The following DIABLO variants were observed in gnomAD, a reference collection of about 807,000 sequenced individuals.
The protein encoded by DIABLO is diablo homolog, mitochondrial.
A neutral mutation model predicts 31.7 loss-of-function variants in DIABLO; 32 were observed. The ratio of observed to expected loss-of-function variants is 1.01; its 90% CI spans 0.76 to 1.35. DIABLO has a LOEUF of 1.35. Among genes scored for constraint, DIABLO ranks in the 40% most tolerant of loss-of-function variants. The pLI is 0.00. For missense variants in DIABLO, 316 were observed against 286.4 expected (o/e 1.10, Z -0.75); for synonymous variants, 132 against 103.2 (o/e 1.28, Z -1.69).
chr12:122,210,197 A>G (rs907310376), intron 5 of DIABLO, among the ~76,000 whole-genome samples: 3 of 152,086 alleles, frequency 2.0e-5, no homozygotes, highest in Non-Finnish European at 4.4e-5. Flanking sequence ...GATCGGGGCT[A>G]TGCTGGCTTC....
At position 122,218,479 on chromosome 12, in the gene DIABLO, T is replaced by C. The variant is rs979467110; in HGVS notation, c.184-82A>G. 2.9e-5 allele frequency: 45 copies of C among 1,574,234 alleles called. 1 individual carries two copies. Among genetic ancestry groups the C allele is most frequent in the Middle Eastern group, 1.7e-4 (1 of 6,014 alleles). On this transcript the variant is annotated intron_variant, in intron 2 of 5. Transcript: ENST00000464942. ...ACCAATAGGCAAGCAAAAAACGTAA[T>C]TGTCATGCTGCTTAGTGTTTTAGGC...
At chr12:122,227,365 T>C (rs1036511774), upstream of DIABLO, 4 of 453,756 alleles carry the variant, frequency 8.8e-6, no homozygotes, top group Admixed American at 2.3e-5. Flanking sequence ...CTTGGCAAAG[T>C]TTCCACGAAT....
At chr12:122,225,184 G>C (rs1314143965) in intron 1 of DIABLO, 1 of 248,156 alleles carries the variant, frequency 4.0e-6, no homozygotes, top group Non-Finnish European at 7.8e-6. Context: ...CTGCACTTCA[G>C]CCTGGGCAAC....
upstream of DIABLO, chr12:122,226,160 G>A (rs745964804): frequency 1.6e-6 from 2 of 1,234,930 alleles, no homozygotes; most frequent in Non-Finnish European, 1.1e-6. Flanking sequence ...CAGGCAGGGG[G>A]AAAGGGGGCG....
In DIABLO at chr12:122,224,621, G is replaced by A; in HGVS notation, c.74C>T (p.Pro25Leu). The A allele has an allele frequency of 6.2e-7, 1 of 1,614,112 alleles. No homozygotes were observed. The highest frequency in any genetic ancestry group is 2.2e-5 in the East Asian group (1 of 44,884). The change falls in exon 2 of 6, where the codon CCT (proline) becomes CTT (leucine). Residue 25 changes from proline (P) to leucine (L), a missense_variant. By Grantham distance (98) the Pro-to-Leu change is moderately conservative (BLOSUM62 -3). Transcript: ENST00000464942. ...FFRYRQCLCVPVVANFKKRCF... is the reference protein window; with the variant it reads ...FFRYRQCLCVLVVANFKKRCF... Reference sequence around the variant, plus strand: ...CCGCTTCTTAAAGTTAGCCACAACAGGAACACACAAACACTGTCTGTACCT... The same window carrying A: ...CCGCTTCTTAAAGTTAGCCACAACAAGAACACACAAACACTGTCTGTACCT...
rs373222544 is a variant in DIABLO, at chr12:122,216,867, A to G, written c.318T>C (p.Ala106=). 2.5e-6 allele frequency: 4 copies of G among 1,611,258 alleles called. No individual in the cohort carries two copies. Among genetic ancestry groups the G allele is most frequent in the Non-Finnish European group, 2.5e-6 (3 of 1,177,680 alleles). The change falls in exon 4 of 6, where the codon GCT becomes GCC. Residue 106 remains alanine (A), a splice_region_variant and synonymous_variant. Transcript: ENST00000464942. ...LIEAITEYTK[A]VYTLTSLYRQ... is the part of the protein sequence containing the mutation. ...GGTAAAGAGAAGTTAAGGTATAAACAGCCTACAAATAGAGAATGAACAAGT... is the reference window on the plus strand; with the variant it reads ...GGTAAAGAGAAGTTAAGGTATAAACGGCCTACAAATAGAGAATGAACAAGT...
At chr12:122,221,978 GA>G (rs1954343640) in intron 2 of DIABLO, 1 of 152,230 alleles carries the variant, frequency 6.6e-6, no homozygotes, top group Admixed American at 6.5e-5. Flanking sequence ...GAGGGCTCAT[GA>G]ATGAGCCTCA....
chr12:122,216,768 G>A lies in DIABLO; in HGVS notation c.417C>T (p.Ala139=), dbSNP rs1408018041. The change falls in exon 4 of 6, where the codon GCC becomes GCT. Residue 139 remains alanine, a synonymous_variant. Coordinates refer to ENST00000464942, the MANE Select transcript of DIABLO (RefSeq NM_001371333.1). The part of the protein sequence containing the change: ...EDEVWQVIIG[A]RAEMTSKHQE... ...AGAACTTTCTGCTTACCTCAGCTCT[G>A]GCTCCTATGATCACCTGCCACACTT... The A allele has an allele frequency of 3.1e-6, 5 of 1,614,042 alleles. No homozygotes were observed. The highest frequency in any genetic ancestry group is 4.2e-6 in the Non-Finnish European group (5 of 1,179,918).
chr12:122,211,649 C>T (rs934531416), intron 5 of DIABLO, among the ~76,000 whole-genome samples: 1 of 152,186 alleles, frequency 6.6e-6, no homozygotes, highest in African/African-American at 2.4e-5. Context: ...CCATTACACT[C>T]CAGCCTGGGC....
chr12:122,225,832 G>T, intron 1 of DIABLO, 133 bp downstream of exon 1: 1 of 1,514,412 alleles, frequency 6.6e-7, no homozygotes. Flanking sequence ...CGACCGGAGC[G>T]AGACGCCGCG....
At chr12:122,214,103 AAACT>A (rs1281620270) in intron 5 of DIABLO, among the ~76,000 whole-genome samples, 1 of 152,076 alleles carries the variant, frequency 6.6e-6, no homozygotes, top group Non-Finnish European at 1.5e-5. Context: ...ACAAACAAAA[AAACT>A]AACAACAACA....
intron 5 of DIABLO, among the ~76,000 whole-genome samples, chr12:122,212,159 G>A (rs576163182): frequency 4.6e-5 from 7 of 152,008 alleles, no homozygotes; most frequent in Middle Eastern, 3.4e-3. Flanking sequence ...TCTAATTGAC[G>A]GGTTTTCTTT....
chr12:122,208,184 G>A lies in DIABLO; in HGVS notation c.*197C>T, dbSNP rs1953974828. 1 of 720,716 alleles carries A rather than the reference G, an allele frequency of 1.4e-6. No homozygotes were observed. 44.6% of individuals were successfully genotyped at this position (720,716 alleles called of 1,614,324 possible). ...ATGTTAAACAGGGTGCAGTGCCCAA[G>A]GGCTAAGAACCAGGTCCAGCGCAAG... is the stretch of plus-strand genomic sequence containing the variant. On this transcript the variant is annotated 3_prime_UTR_variant, in exon 6 of 6. Transcript: ENST00000464942.
Position 122,224,622 on chromosome 12 carries a change from G to A in DIABLO, c.73C>T (p.Pro25Ser). 1.2e-6 allele frequency: 2 copies of A among 1,614,076 alleles called. No homozygotes were observed. Among genetic ancestry groups the A allele is most frequent in the East Asian group, 2.2e-5 (1 of 44,888 alleles). Residue 25 changes from proline (P) to serine (S), a missense_variant, in exon 2 of 6, where the codon CCT becomes TCT. By Grantham distance (74) the Pro-to-Ser change is moderately conservative. Transcript: ENST00000464942. ...CGCTTCTTAAAGTTAGCCACAACAG[G>A]AACACACAAACACTGTCTGTACCTG... The part of the protein sequence containing the change: ...FFRYRQCLCV[P>S]VVANFKKRCF...
rs150657838 is a variant in DIABLO, at chr12:122,225,731, G to A, written c.50+234C>T. 1,993 of 1,428,644 alleles carry A rather than the reference G, an allele frequency of 1.4e-3. 33 individuals are homozygous for A. In the African/African-American group the frequency reaches 0.026, roughly 18 times the overall value. The allele number at this position is 1,428,644 out of a possible 1,614,324, so 88.5% of individuals were successfully genotyped here. ...AGCAGCCCCAAGAAGGCAGCCCGGG[G>A]TCTCGGGGACTCGTTTCTAGAAGAT... On this transcript the variant is annotated intron_variant, in intron 1 of 5. Transcript: ENST00000464942.
upstream of DIABLO, among the ~76,000 whole-genome samples, chr12:122,227,014 C>G (rs942243426): frequency 6.6e-6 from 1 of 152,202 alleles, no homozygotes; most frequent in Non-Finnish European, 1.5e-5. Context: ...AAGGCACAGG[C>G]CCAAACCTGC....
intron 1 of DIABLO, 102 bp downstream of exon 1, chr12:122,225,863 G>C: frequency 6.5e-7 from 1 of 1,538,750 alleles, no homozygotes; most frequent in Non-Finnish European, 8.8e-7. Flanking sequence ...GCGGACGAGA[G>C]ATGAGCGCGT....
chr12:122,226,633 G>C, upstream of DIABLO: 1 of 671,664 alleles, frequency 1.5e-6, no homozygotes, highest in African/African-American at 1.8e-5. Flanking sequence ...GGGGCGGACG[G>C]GAACACACGA....
intron 5 of DIABLO, 74 bp from the exon 6 acceptor site, chr12:122,208,651 G>C (rs1347791142): frequency 6.7e-7 from 1 of 1,503,066 alleles, no homozygotes; most frequent in African/African-American, 1.4e-5. Flanking sequence ...TTGGCCTGGG[G>C]GTGCTGTGGC....
Sources: gnomAD v4.1 joint callset for allele counts (sites outside exome capture counted in the v4.1 genomes callset) on GRCh38, gnomAD v4.1.1 for gene constraint, MANE v1.5 for transcripts, NCBI Gene and HGNC (gene_info 2026-07-23, HGNC 2026-07-21) for gene names.